The following MUC22 variants were observed in gnomAD, a reference collection of about 807,000 sequenced individuals.
The protein encoded by MUC22 is mucin 22.
Under a neutral mutation model 40.3 loss-of-function variants are expected in MUC22, and 24 were observed. The ratio of observed to expected loss-of-function variants is 0.60; its 90% CI spans 0.43 to 0.84. MUC22 has a LOEUF of 0.84. MUC22 is among the 40% of genes least tolerant of loss of function. The pLI is 0.00. For missense variants in MUC22, 1,926 were observed against 2,130.7 expected, an observed-to-expected ratio of 0.90 and a Z score of 1.89; for synonymous variants, 765 against 844.5, an observed-to-expected ratio of 0.91 and a Z score of 1.63.
At chr6:31,022,065 G>C (rs1764839500) in intron 1 of MUC22, among the ~76,000 whole-genome samples, 1 of 152,026 alleles carries the variant, frequency 6.6e-6, no homozygotes, top group Non-Finnish European at 1.5e-5. Context: ...GTGAAGGTTT[G>C]CAGCTTCACT....
intron 1 of MUC22, among the ~76,000 whole-genome samples, chr6:31,014,501 C>CT (rs1036364341): frequency 5.0e-4 from 76 of 152,240 alleles, no homozygotes; most frequent in African/African-American, 1.8e-3. Context: ...AAATTCTTAT[C>CT]TTTTTTCTGG....
In MUC22 at chr6:31,026,545, A is replaced by G; in HGVS notation, c.1114A>G (p.Met372Val). The change falls in exon 2 of 4, where the codon ATG (methionine) becomes GTG (valine). Residue 372 changes from methionine (M) to valine (V), a missense_variant. Around this residue, in one of 3 missense-constraint regions of MUC22, gnomAD observed 1,281 missense variants for 1,337.8 expected, o/e 0.96. Coordinates refer to ENST00000561890, the Ensembl canonical transcript of MUC22. ...CACTGAGACCACCATGGTCTCTGCC[A>G]TGGGCTCAGAGACCACCACAAACTC... 2 of 1,498,962 alleles carry G rather than the reference A, an allele frequency of 1.3e-6. 1 individual carries two copies. Among genetic ancestry groups the G allele is most frequent in the Non-Finnish European group, 1.8e-6 (2 of 1,124,124 alleles). The allele number at this position is 1,498,962 out of a possible 1,614,324, so 92.9% of individuals were successfully genotyped here.
exon 4 of MUC22, chr6:31,035,244 TGGG>T: frequency 2.7e-6 from 1 of 376,358 alleles, no homozygotes; most frequent in Non-Finnish European, 4.7e-6. Flanking sequence ...GCCTCTGTTG[TGGG>T]GAGTCACGAC....
intron 1 of MUC22, among the ~76,000 whole-genome samples, chr6:31,021,900 C>T (rs554777430): frequency 3.3e-5 from 5 of 151,830 alleles, no homozygotes; most frequent in African/African-American, 7.2e-5. Flanking sequence ...ATAGATTTTG[C>T]TACTGCTCAC....
exon 2 of MUC22, chr6:31,028,267 A>G (rs1765626461): frequency 2.0e-6 from 3 of 1,534,672 alleles, no homozygotes; most frequent in Non-Finnish European, 1.7e-6. Flanking sequence ...TGGGACCACT[A>G]CAGTCTCCAT....
At chr6:31,019,862 T>G (rs1370889376) in intron 1 of MUC22, among the ~76,000 whole-genome samples, 1 of 152,118 alleles carries the variant, frequency 6.6e-6, no homozygotes, top group East Asian at 1.9e-4. Flanking sequence ...TTGGATGAAG[T>G]GGACTTCTCC....
At chr6:31,025,640 C>T in exon 2 of MUC22, 3 of 1,532,808 alleles carry the variant, frequency 2.0e-6, no homozygotes, top group South Asian at 1.2e-5. Context: ...ACAGACTCTA[C>T]CACAGGCTCT....
At chr6:31,030,376 G>C (rs1229942660) in intron 2 of MUC22, among the ~76,000 whole-genome samples, 3 of 152,142 alleles carry the variant, frequency 2.0e-5, no homozygotes, top group African/African-American at 7.2e-5. Context: ...AATTAGCTGG[G>C]CGTGGTGGCG....
In MUC22 at chr6:31,011,038, C is replaced by T. The variant is rs76390774; in HGVS notation, c.70+262C>T. On this transcript the variant is annotated intron_variant, in intron 1 of 3. Transcript: ENST00000561890. The surrounding 1 kb of genome is among the most constrained non-coding windows in gnomAD (Gnocchi z 4.5). The stretch of plus-strand genomic sequence containing the variant: ...GAGCACATGTGGTGGGGCGGTGGGG[C>T]GGTGCTGGGGAAATGGAGGGGGGTG... Among the ~76,000 whole-genome samples, 14 of 151,102 alleles carry T rather than the reference C, an allele frequency of 9.3e-5. No homozygotes were observed. The highest frequency in any genetic ancestry group is 6.6e-4 in the Admixed American group (10 of 15,148).
intron 1 of MUC22, among the ~76,000 whole-genome samples, chr6:31,018,458 G>C (rs1764423220): frequency 6.6e-6 from 1 of 152,202 alleles, no homozygotes; most frequent in South Asian, 2.1e-4. Flanking sequence ...ATGGAGGCCT[G>C]TATGTTGAAG....
At chr6:31,018,883 C>T (rs1764466827) in intron 1 of MUC22, among the ~76,000 whole-genome samples, 1 of 152,258 alleles carries the variant, frequency 6.6e-6, no homozygotes, top group African/African-American at 2.4e-5. Context: ...TTCTCAGTCT[C>T]ATTCATTTGC....
chr6:31,025,210 T>C (rs1765179400), intron 1 of MUC22, among the ~76,000 whole-genome samples: 3 of 152,332 alleles, frequency 2.0e-5, no homozygotes, highest in Admixed American at 2.0e-4. Flanking sequence ...GAGAGACCTT[T>C]TCTGACTCCA....
exon 2 of MUC22, chr6:31,027,595 G>A (rs1317492645): frequency 1.3e-6 from 2 of 1,526,978 alleles, no homozygotes; most frequent in Non-Finnish European, 1.7e-6. Flanking sequence ...CACTACCGCA[G>A]GCTCTGAGAC....
intron 3 of MUC22, 22 bp from the exon 4 acceptor site, chr6:31,034,650 T>C: frequency 6.6e-7 from 1 of 1,511,214 alleles, no homozygotes; most frequent in Non-Finnish European, 8.8e-7. Context: ...CATTTATCAA[T>C]GTATTTATTT....
rs143988922 is a variant in MUC22 at position 31,013,077 on chromosome 6, G to A, written c.70+2301G>A. On this transcript the variant is annotated intron_variant, in intron 1 of 3. Coordinates refer to ENST00000561890, the Ensembl canonical transcript of MUC22. ...GAATGATGTCCATCCTAACGTCCCCGCATCACTCCTCAGCCACCACCTCTC... is the reference window on the plus strand; with the variant it reads ...GAATGATGTCCATCCTAACGTCCCCACATCACTCCTCAGCCACCACCTCTC... Among the ~76,000 whole-genome samples, 631 of 149,560 alleles carry A rather than the reference G, an allele frequency of 4.2e-3. 20 individuals carry two copies. The South Asian group carries it at 0.068, about 16-fold the overall frequency.
chr6:31,022,547 A>G (rs1034866936), intron 1 of MUC22, among the ~76,000 whole-genome samples: 1 of 146,976 alleles, frequency 6.8e-6, no homozygotes, highest in Non-Finnish European at 1.5e-5. Flanking sequence ...TGATAAATAT[A>G]TGGGTAAAAA....
chr6:31,012,707 A>G (rs1455079547), intron 1 of MUC22, among the ~76,000 whole-genome samples: 1 of 152,174 alleles, frequency 6.6e-6, no homozygotes, highest in East Asian at 1.9e-4. Context: ...CACTAGATCT[A>G]TAAAGTAACC....
rs9378112 is a variant in MUC22, at chr6:31,011,275, C to T, written c.70+499C>T. ...AGTGCTTTATTGGTGAATTGTGAGA[C>T]TTTGGTGCACCCGTCACCAAGCAGT... On this transcript the variant is annotated intron_variant, in intron 1 of 3. Coordinates refer to ENST00000561890, the Ensembl canonical transcript of MUC22. This position sits in a 1 kb window ranked among gnomAD's most constrained non-coding sequence, Gnocchi z 4.5. Among the ~76,000 whole-genome samples, 17,102 of 151,886 alleles carry T rather than the reference C, an allele frequency of 0.11. 1,250 individuals carry two copies. The highest frequency in any genetic ancestry group is 0.33 in the East Asian group (1,677 of 5,146).
chr6:31,009,181 G>A (rs1763707706), upstream of MUC22, among the ~76,000 whole-genome samples: 1 of 152,148 alleles, frequency 6.6e-6, no homozygotes, highest in African/African-American at 2.4e-5. Flanking sequence ...AAAATGTGCA[G>A]AGTGGACACA....
Sources: gnomAD v4.1 joint callset for allele counts (sites outside exome capture counted in the v4.1 genomes callset) on GRCh38, gnomAD v4.1.1 for gene constraint, gnomAD v4.1.1 regional missense constraint, Gnocchi (gnomAD v3.1) non-coding constraint, MANE v1.5 for transcripts, NCBI Gene and HGNC (gene_info 2026-07-23, HGNC 2026-07-21) for gene names.